The following MYRIP variants were observed in gnomAD, a reference collection of about 807,000 sequenced individuals.
MYRIP encodes myosin VIIA and Rab interacting protein.
In MYRIP, 49 loss-of-function variants were observed where a neutral mutation model predicts 98.0. The ratio of observed to expected loss-of-function variants is 0.50; its 90% CI spans 0.40 to 0.63. The LOEUF is 0.63. MYRIP is among the 30% of genes least tolerant of loss of function. The probability of loss-of-function intolerance (pLI) is 0.00; values close to 1 mark genes in which losing one functional copy is unlikely to be tolerated. For missense variants in MYRIP, 1,004 were observed against 1,058.2 expected, an observed-to-expected ratio of 0.95 and a Z score of 0.71; for synonymous variants, 404 against 409.5, an observed-to-expected ratio of 0.99 and a Z score of 0.16.
At chr3:40,094,734 A>G (rs932655213) in intron 3 of MYRIP, among the ~76,000 whole-genome samples, 5 of 152,212 alleles carry the variant, frequency 3.3e-5, no homozygotes, top group Admixed American at 3.3e-4. Context: ...ACAGGAATAT[A>G]TATTAGCTTG....
chr3:40,107,412 G>C (rs1317225547), intron 3 of MYRIP, among the ~76,000 whole-genome samples: 2 of 152,144 alleles, frequency 1.3e-5, no homozygotes, highest in African/African-American at 4.8e-5. Flanking sequence ...CCATAAAGTT[G>C]TATAAAAGAC....
intron 5 of MYRIP, among the ~76,000 whole-genome samples, chr3:40,166,519 G>A (rs368476264): frequency 3.4e-5 from 5 of 148,874 alleles, no homozygotes; most frequent in African/African-American, 1.3e-4. Flanking sequence ...GAAGGGATCC[G>A]AGAAGATTTG....
intron 3 of MYRIP, among the ~76,000 whole-genome samples, chr3:40,069,862 CT>C (rs1257867723): frequency 6.6e-6 from 1 of 152,176 alleles, no homozygotes; most frequent in African/African-American, 2.4e-5. Context: ...TGCCACTGAG[CT>C]TTTGTGGAGC....
chr3:40,166,434 C>CG (rs1950500778), intron 5 of MYRIP, among the ~76,000 whole-genome samples: 1 of 151,892 alleles, frequency 6.6e-6, no homozygotes, highest in Non-Finnish European at 1.5e-5. Flanking sequence ...GGGAAGGGGC[C>CG]GGGGGTATGG....
At chr3:40,071,313 A>G in intron 3 of MYRIP, 1 of 541,470 alleles carries the variant, frequency 1.8e-6, no homozygotes, top group South Asian at 8.0e-5. Flanking sequence ...TATGGGGTGC[A>G]CTGGTTGGTG....
At chr3:40,169,186 G>C (rs1950559576) in intron 7 of MYRIP, among the ~76,000 whole-genome samples, 1 of 152,198 alleles carries the variant, frequency 6.6e-6, no homozygotes, top group East Asian at 1.9e-4. Flanking sequence ...CTGGTCCTCA[G>C]CAATTCTGAA....
chr3:40,043,023 A>G (rs539977280), intron 2 of MYRIP, among the ~76,000 whole-genome samples: 1 of 152,310 alleles, frequency 6.6e-6, no homozygotes, highest in South Asian at 2.1e-4. Flanking sequence ...CAGCATCATG[A>G]TAGAGTATTG....
At chr3:39,984,856 G>T (rs540659276) in intron 2 of MYRIP, among the ~76,000 whole-genome samples, 2 of 151,912 alleles carry the variant, frequency 1.3e-5, no homozygotes, top group African/African-American at 4.8e-5. Context: ...GTGTGAAAGT[G>T]TTCCTATTTC....
At chr3:40,007,976 C>T (rs893685628) in intron 2 of MYRIP, among the ~76,000 whole-genome samples, 1 of 152,212 alleles carries the variant, frequency 6.6e-6, no homozygotes, top group Non-Finnish European at 1.5e-5. Flanking sequence ...CCTTTCTACC[C>T]ACATATCTGG....
At chr3:39,997,517 G>C (rs1008620288) in intron 2 of MYRIP, among the ~76,000 whole-genome samples, 1 of 152,070 alleles carries the variant, frequency 6.6e-6, no homozygotes, top group African/African-American at 2.4e-5. Flanking sequence ...ACCAATAACA[G>C]GCTCTGTAAT....
intron 1 of MYRIP, among the ~76,000 whole-genome samples, chr3:39,879,874 CCTTT>C: frequency 6.6e-6 from 1 of 152,102 alleles, no homozygotes; most frequent in East Asian, 1.9e-4. Flanking sequence ...CTCTGGGACT[CCTTT>C]CTTTCTGGGT....
chr3:39,904,995 T>TA (rs2125674931), intron 2 of MYRIP, among the ~76,000 whole-genome samples: 1 of 151,666 alleles, frequency 6.6e-6, no homozygotes, highest in Non-Finnish European at 1.5e-5. Context: ...TTCAGTAGAG[T>TA]AAGTGTTGAT....
At chr3:39,889,926 G>A (rs1245316150) in intron 1 of MYRIP, among the ~76,000 whole-genome samples, 1 of 151,878 alleles carries the variant, frequency 6.6e-6, no homozygotes, top group Non-Finnish European at 1.5e-5. Flanking sequence ...ATCCACACCA[G>A]GATAATTCCA....
rs553107599 is a variant in MYRIP at position 40,120,566 on chromosome 3, G to A, written c.333-30482G>A. 1.2e-3 allele frequency among the ~76,000 whole-genome samples: 179 copies of A among 152,310 alleles called. 2 individuals are homozygous for A. In the South Asian group the frequency reaches 0.035, roughly 30 times the overall value. ...GGATCACTTATATTCTGAGGATGAT[G>A]GAGGTGAGATGCAGAAAGATAATTT... On this transcript the variant is annotated intron_variant, in intron 3 of 16. Coordinates refer to ENST00000302541, the MANE Select transcript of MYRIP (RefSeq NM_015460.4).
intron 2 of MYRIP, among the ~76,000 whole-genome samples, chr3:39,932,814 G>A (rs1944571170): frequency 6.6e-6 from 1 of 152,146 alleles, no homozygotes; most frequent in Non-Finnish European, 1.5e-5. Flanking sequence ...TAGGGTATAT[G>A]TCTTACACAT....
chr3:39,926,178 G>T (rs538064518), intron 2 of MYRIP, among the ~76,000 whole-genome samples: 58 of 152,030 alleles, frequency 3.8e-4, no homozygotes, highest in Non-Finnish European at 7.2e-4. Flanking sequence ...TTTTGATGGG[G>T]TTATTTGTTT....
intron 3 of MYRIP, among the ~76,000 whole-genome samples, chr3:40,050,556 G>A (rs1439057176): frequency 2.0e-5 from 3 of 152,182 alleles, no homozygotes; most frequent in South Asian, 2.1e-4. Flanking sequence ...GGAGATGAAC[G>A]TTGTTTTCAT....
chr3:40,175,973 C>T (rs1163691071), intron 8 of MYRIP, among the ~76,000 whole-genome samples: 1 of 152,250 alleles, frequency 6.6e-6, no homozygotes, highest in Non-Finnish European at 1.5e-5. Flanking sequence ...ATGTGAGGAA[C>T]AACCATTGCT....
rs1951675005 is a variant in MYRIP, at chr3:40,203,966, TTA to T, written c.1666-5880_1666-5879del. Among the ~76,000 whole-genome samples, 2 of 12,798 alleles carry T rather than the reference TTA, an allele frequency of 1.6e-4. 1 individual carries two copies. Among genetic ancestry groups the T allele is most frequent in the African/African-American group, 7.5e-4 (2 of 2,678 alleles). The allele number at this position is 12,798 out of a possible 152,430, so 8.4% of individuals were successfully genotyped here. A position where few individuals can be genotyped will look rare whatever the true frequency, so the allele number is the denominator to read the frequency against. On this transcript the variant is annotated intron_variant, in intron 10 of 16. Transcript: ENST00000302541. ...TTATATATATTATATATTATATACA[TTA>T]TATATATTATATATAATATATATTA...
Sources: allele counts gnomAD v4.1 joint callset (sites outside exome capture counted in the v4.1 genomes callset), GRCh38; gene constraint gnomAD v4.1.1; transcripts MANE v1.5; gene names NCBI Gene and HGNC (gene_info 2026-07-23, HGNC 2026-07-21).